DNAH5: variants seen among roughly 807,000 people sequenced by gnomAD.
DNAH5 encodes dynein axonemal heavy chain 5.
DNAH5 carries 372 observed loss-of-function variants against 518.2 expected under a neutral mutation model. That is an observed-to-expected ratio of 0.72 (90% confidence interval 0.66 to 0.78). The LOEUF is 0.78. Among genes scored for constraint, DNAH5 ranks in the 30% least tolerant of loss-of-function variants. DNAH5 has a pLI of 0.00. For synonymous variants in DNAH5, 2,039 were observed against 2,025.9 expected (o/e 1.01, Z -0.17); for missense variants, 5,523 against 5,687.0 (o/e 0.97, Z 0.93).
chr5:13,765,856 A>T, intron 59 of DNAH5, 120 bp downstream of exon 59: 1 of 1,041,638 alleles, frequency 9.6e-7, no homozygotes, highest in South Asian at 1.3e-5. Context: ...ACAAAGTTTT[A>T]CTCTGAAAAA....
At chr5:13,708,389 T>C (rs576242489) in intron 75 of DNAH5, 54 bp from the exon 76 acceptor site, 15 of 1,581,068 alleles carry the variant, frequency 9.5e-6, no homozygotes, top group Non-Finnish European at 1.3e-5. Context: ...AAGGATTTTA[T>C]AGACCTGGTG....
In DNAH5 at chr5:13,803,236, T is replaced by C. The variant is rs181375162; in HGVS notation, c.7887+4355A>G. Among the ~76,000 whole-genome samples the C allele has an allele frequency of 1.6e-3, 247 of 152,342 alleles. 2 individuals are homozygous for C. The highest frequency in any genetic ancestry group is 5.8e-3 in the African/African-American group (241 of 41,580). On this transcript the variant is annotated intron_variant, in intron 47 of 78. Transcript: ENST00000265104. ...GCTAAAACATAAAAATGGAGAGTTA[T>C]GCTCTTTATTAAGAAATCTACTGCC...
intron 47 of DNAH5, among the ~76,000 whole-genome samples, chr5:13,806,602 C>T (rs966479153): frequency 1.3e-5 from 2 of 152,150 alleles, no homozygotes; most frequent in African/African-American, 4.8e-5. Flanking sequence ...CTTCTATTTG[C>T]AATTTATGAC....
intron 1 of DNAH5, among the ~76,000 whole-genome samples, chr5:13,974,934 T>A (rs933417269): frequency 6.6e-6 from 1 of 152,124 alleles, no homozygotes; most frequent in Admixed American, 6.5e-5. Context: ...TATAGCATGA[T>A]GTTCCAGGGC....
intron 1 of DNAH5, among the ~76,000 whole-genome samples, chr5:13,983,938 T>A (rs1187925663): frequency 6.6e-6 from 1 of 152,304 alleles, no homozygotes; most frequent in East Asian, 1.9e-4. Context: ...CCTCCATGAC[T>A]TAATCCCCAG....
At position 13,794,003 on chromosome 5, in the gene DNAH5, G is replaced by A. The variant is rs201939338; in HGVS notation, c.7943C>T (p.Ala2648Val). ...KRMGTTYGPP[A>V]GKKMTVFIDD... ...AATAAAAACAGTCATCTTCTTTCCCGCAGGAGGGCCATATGTTGTACCCAT... is the reference window on the plus strand; with the variant it reads ...AATAAAAACAGTCATCTTCTTTCCCACAGGAGGGCCATATGTTGTACCCAT... Residue 2648 changes from alanine to valine, a missense_variant, in exon 48 of 79, where the codon GCG (alanine) becomes GTG (valine). Transcript: ENST00000265104. The A allele has an allele frequency of 9.9e-5, 160 of 1,613,750 alleles. No individual in the cohort carries two copies. Among genetic ancestry groups the A allele is most frequent in the Middle Eastern group, 3.3e-4 (2 of 6,082 alleles).
intron 47 of DNAH5, among the ~76,000 whole-genome samples, chr5:13,804,247 A>G (rs1392007573): frequency 6.6e-6 from 1 of 152,230 alleles, no homozygotes; most frequent in Non-Finnish European, 1.5e-5. Flanking sequence ...TGAGACAATG[A>G]AAGTAACCTG....
intron 31 of DNAH5, 95 bp from the exon 32 acceptor site, chr5:13,845,088 T>A: frequency 8.7e-7 from 1 of 1,151,738 alleles, no homozygotes; most frequent in South Asian, 1.4e-5. Flanking sequence ...GAGAAGATTG[T>A]GTGACTTGTG....
chr5:13,714,347 C>G, intron 75 of DNAH5, 58 bp downstream of exon 75: 1 of 1,549,458 alleles, frequency 6.5e-7, no homozygotes, highest in Non-Finnish European at 8.9e-7. Flanking sequence ...CTTCCTCACT[C>G]TCCCAACCGA....
intron 78 of DNAH5, among the ~76,000 whole-genome samples, chr5:13,697,913 G>C (rs1561067610): frequency 1.3e-5 from 2 of 152,160 alleles, no homozygotes; most frequent in African/African-American, 4.8e-5. Context: ...GCTTGAATTT[G>C]TCCCCTAAAA....
chr5:13,894,029 A>T (rs1773606968), intron 16 of DNAH5, among the ~76,000 whole-genome samples: 1 of 151,340 alleles, frequency 6.6e-6, no homozygotes, highest in African/African-American at 2.4e-5. Context: ...AATTCTGGGA[A>T]ATGCCACAAG....
At chr5:13,700,175 C>T (rs1351230445) in intron 78 of DNAH5, among the ~76,000 whole-genome samples, 1 of 152,178 alleles carries the variant, frequency 6.6e-6, no homozygotes, top group Non-Finnish European at 1.5e-5. Flanking sequence ...GGTAGAACCA[C>T]AGCCTTCAAC....
chr5:13,928,231 C>A (rs1778082061), intron 2 of DNAH5, 53 bp from the exon 3 acceptor site: 1 of 1,340,572 alleles, frequency 7.5e-7, no homozygotes, highest in East Asian at 2.3e-5. Flanking sequence ...TTAGAAACTG[C>A]AATTAAATCA....
chr5:13,865,930 G>T (rs759838018), intron 26 of DNAH5, 24 bp from the exon 27 acceptor site: 2 of 1,424,890 alleles, frequency 1.4e-6, no homozygotes, highest in Non-Finnish European at 2.0e-6. Context: ...AAGTGAAAAC[G>T]CATCAAAATG....
At chr5:13,949,381 T>C (rs1324310087), upstream of DNAH5, among the ~76,000 whole-genome samples, 5 of 152,140 alleles carry the variant, frequency 3.3e-5, no homozygotes, top group Non-Finnish European at 5.9e-5. Flanking sequence ...ACCAATAATA[T>C]AGTATTGATG....
intron 1 of DNAH5, among the ~76,000 whole-genome samples, chr5:14,005,587 T>G (rs972744402): frequency 2.0e-5 from 3 of 152,232 alleles, no homozygotes; most frequent in African/African-American, 4.8e-5. Flanking sequence ...AGAAAAATCT[T>G]CAAAATGCAG....
chr5:13,900,456 C>A (rs769548910), intron 14 of DNAH5, 44 bp from the exon 15 acceptor site: 5 of 1,481,004 alleles, frequency 3.4e-6, no homozygotes, highest in Non-Finnish European at 4.7e-6. Flanking sequence ...AAGTTCAATT[C>A]ATGCAGAGTA....
At chr5:13,786,585 T>C (rs1416931046) in intron 51 of DNAH5, among the ~76,000 whole-genome samples, 1 of 152,186 alleles carries the variant, frequency 6.6e-6, no homozygotes, top group East Asian at 1.9e-4. Flanking sequence ...TCAAATAATA[T>C]TATCGTCATT....
chr5:13,910,301 C>T lies in DNAH5; in HGVS notation c.1644+1085G>A, dbSNP rs527904460. ...CCCTCACAGTGAAGTTTCCCAGTTTCCTCCTCTGCAAAATGAGAGTAACAA... is the reference window on the plus strand; with the variant it reads ...CCCTCACAGTGAAGTTTCCCAGTTTTCTCCTCTGCAAAATGAGAGTAACAA... On this transcript the variant is annotated intron_variant, in intron 12 of 78. Coordinates refer to ENST00000265104, the MANE Select transcript of DNAH5 (RefSeq NM_001369.3). Among the ~76,000 whole-genome samples, 5 of 152,258 alleles carry T rather than the reference C, an allele frequency of 3.3e-5. No individual in the cohort carries two copies. The East Asian group carries it at 9.7e-4, about 29-fold the overall frequency.
Sources: allele counts gnomAD v4.1 joint callset (sites outside exome capture counted in the v4.1 genomes callset), GRCh38; gene constraint gnomAD v4.1.1; transcripts MANE v1.5; gene names NCBI Gene and HGNC (gene_info 2026-07-23, HGNC 2026-07-21).